Variants in RBFOX1 observed in about 807,000 individuals in gnomAD.
RBFOX1 encodes the protein RNA binding fox-1 homolog 1.
RBFOX1 carries 8 observed loss-of-function variants against 57.7 expected under a neutral mutation model. That is an observed-to-expected ratio of 0.14 (90% CI 0.08 to 0.25). RBFOX1 has a LOEUF of 0.25. Among genes scored for constraint, RBFOX1 ranks in the 10% least tolerant of loss-of-function variants. The probability of loss-of-function intolerance (pLI) is 1.00; values close to 1 mark genes in which losing one functional copy is unlikely to be tolerated. For missense variants in RBFOX1, 611 were observed against 548.5 expected, an observed-to-expected ratio of 1.11 and a Z score of -1.14; for synonymous variants, 326 against 222.4, an observed-to-expected ratio of 1.47 and a Z score of -4.15.
chr16:5,912,411 G>A (rs961628305), intron 4 of RBFOX1, among the ~76,000 whole-genome samples: 6 of 152,190 alleles, frequency 3.9e-5, no homozygotes, highest in Admixed American at 2.0e-4. Context: ...TCAGAGATTA[G>A]GAGTCTACCC....
intron 4 of RBFOX1, among the ~76,000 whole-genome samples, chr16:5,873,272 G>C (rs964255397): frequency 6.6e-6 from 1 of 152,208 alleles, no homozygotes; most frequent in African/African-American, 2.4e-5. Flanking sequence ...CAACATGGCT[G>C]TATCCTGCCC....
intron 2 of RBFOX1, among the ~76,000 whole-genome samples, chr16:6,336,770 A>C (rs759058882): frequency 6.6e-6 from 1 of 152,196 alleles, no homozygotes; most frequent in Non-Finnish European, 1.5e-5. Flanking sequence ...GGAAAGTACC[A>C]CTGTAAGGAA....
At chr16:5,804,478 T>C (rs763161199) in intron 3 of RBFOX1, among the ~76,000 whole-genome samples, 26 of 152,210 alleles carry the variant, frequency 1.7e-4, no homozygotes, top group Non-Finnish European at 1.9e-4. Context: ...AGGATGGCTT[T>C]GTAGGGAGTC....
intron 4 of RBFOX1, among the ~76,000 whole-genome samples, chr16:7,262,328 TTAA>T (rs914839550): frequency 1.3e-5 from 2 of 152,036 alleles, no homozygotes; most frequent in African/African-American, 4.8e-5. Context: ...TTTTTTCATA[TTAA>T]TGGGAAAACC....
intron 4 of RBFOX1, among the ~76,000 whole-genome samples, chr16:7,223,105 G>C (rs529556057): frequency 6.6e-6 from 1 of 152,332 alleles, no homozygotes; most frequent in South Asian, 2.1e-4. Flanking sequence ...TAGCAACTGA[G>C]GTGAATAAAG....
chr16:7,686,601 C>T (rs2076119750), intron 14 of RBFOX1, among the ~76,000 whole-genome samples: 1 of 152,058 alleles, frequency 6.6e-6, no homozygotes, highest in Non-Finnish European at 1.5e-5. Context: ...ATTTTTCTAC[C>T]AATAAAATGA....
intron 10 of RBFOX1, among the ~76,000 whole-genome samples, chr16:7,611,835 A>G (rs911469103): frequency 1.3e-5 from 2 of 152,156 alleles, no homozygotes; most frequent in Admixed American, 1.3e-4. Context: ...ATCAAGTCAT[A>G]CTTATAAAAA....
intron 4 of RBFOX1, among the ~76,000 whole-genome samples, chr16:5,875,645 A>G (rs2057588463): frequency 6.6e-6 from 1 of 152,186 alleles, no homozygotes; most frequent in Non-Finnish European, 1.5e-5. Flanking sequence ...AAATAGCAGA[A>G]GTATCAACTA....
At chr16:6,740,771 C>G (rs1004760272) in intron 3 of RBFOX1, among the ~76,000 whole-genome samples, 1 of 152,206 alleles carries the variant, frequency 6.6e-6, no homozygotes, top group South Asian at 2.1e-4. Context: ...AAAGACTCCA[C>G]TTTGTAAAGA....
chr16:6,554,873 C>G (rs1599693031), intron 2 of RBFOX1, among the ~76,000 whole-genome samples: 1 of 126,528 alleles, frequency 7.9e-6, no homozygotes, highest in African/African-American at 4.7e-5. Context: ...CTCTCTCTCA[C>G]TCATGAGTGC....
chr16:7,510,179 C>A, intron 4 of RBFOX1: 1 of 985,840 alleles, frequency 1.0e-6, no homozygotes, highest in Non-Finnish European at 1.2e-6. Flanking sequence ...CTCAACACCC[C>A]GATCATCCAC....
In RBFOX1 at chr16:6,122,796, G is replaced by GTGTGTC. The variant is rs1191307159; in HGVS notation, c.-127+102809_-127+102810insCTGTGT. Among the ~76,000 whole-genome samples the GTGTGTC allele has an allele frequency of 2.7e-5, 3 of 110,094 alleles. No homozygotes were observed. The Admixed American group carries it at 3.0e-4, about 11-fold the overall frequency. 72.2% of individuals were successfully genotyped at this position (110,094 alleles called of 152,430 possible). Reference sequence around the variant, plus strand: ...CGGAATATGATCTGTGTGGCTATGTGTGTGTATGTGTGTGTGTGTGTGTGT... The same window carrying GTGTGTC: ...CGGAATATGATCTGTGTGGCTATGTGTGTGTCTGTGTATGTGTGTGTGTGTGTGTGT... On this transcript the variant is annotated intron_variant, in intron 1 of 15. Transcript: ENST00000550418.
chr16:6,807,202 C>A (rs1171327073), intron 3 of RBFOX1, among the ~76,000 whole-genome samples: 1 of 151,854 alleles, frequency 6.6e-6, no homozygotes, highest in Admixed American at 6.6e-5. Context: ...ACAGGGAGAC[C>A]AGTTAGGAGT....
chr16:7,234,551 C>A (rs11077158), intron 4 of RBFOX1, among the ~76,000 whole-genome samples: 1 of 151,510 alleles, frequency 6.6e-6, no homozygotes, highest in Non-Finnish European at 1.5e-5. Context: ...AGCATTTAAC[C>A]ATGAAGTCTT....
intron 3 of RBFOX1, among the ~76,000 whole-genome samples, chr16:7,044,121 C>G (rs1260552156): frequency 2.0e-5 from 3 of 151,966 alleles, no homozygotes; most frequent in African/African-American, 7.3e-5. Flanking sequence ...ATTCCTGGCA[C>G]TTAGGACAGT....
At position 7,456,957 on chromosome 16, in the gene RBFOX1, C is replaced by G. The variant is rs151170021; in HGVS notation, c.28-61190C>G. Among the ~76,000 whole-genome samples the G allele has an allele frequency of 9.3e-3, 1,419 of 151,954 alleles. 23 individuals carry two copies. Among genetic ancestry groups the G allele is most frequent in the African/African-American group, 0.033 (1,371 of 41,420 alleles). On this transcript the variant is annotated intron_variant, in intron 4 of 15. Coordinates refer to ENST00000550418, the MANE Select transcript of RBFOX1 (RefSeq NM_018723.4). ...CCCAGGCTGAGTGCAATGGCGCGAT[C>G]CCGGCTCACTGCAACCTCTGCCTCC...
chr16:5,944,933 T>G (rs1467607809), intron 4 of RBFOX1, among the ~76,000 whole-genome samples: 1 of 119,890 alleles, frequency 8.3e-6, no homozygotes, highest in Non-Finnish European at 1.6e-5. Context: ...GCCACTGCAC[T>G]CCAGCCTGGA....
chr16:7,630,463 T>C, intron 10 of RBFOX1, 140 bp from the exon 11 acceptor site: 1 of 1,509,252 alleles, frequency 6.6e-7, no homozygotes, highest in Non-Finnish European at 8.8e-7. Context: ...GGCAGGGGGC[T>C]TTGTTGGGTA....
rs140520499 is a variant in RBFOX1, at chr16:6,687,869, C to G, written c.-16+33219C>G. ...CTGGGAAATGTGTGCTCAGGAAGCA[C>G]AAAATGAATGATGACACAGTGAATG... On this transcript the variant is annotated intron_variant, in intron 3 of 15. Coordinates refer to ENST00000550418, the MANE Select transcript of RBFOX1 (RefSeq NM_018723.4). 3.9e-5 allele frequency among the ~76,000 whole-genome samples: 6 copies of G among 152,218 alleles called. No individual in the cohort carries two copies. In the East Asian group the frequency reaches 1.2e-3, roughly 29 times the overall value.
Sources: gnomAD v4.1 joint callset for allele counts (sites outside exome capture counted in the v4.1 genomes callset) on GRCh38, gnomAD v4.1.1 for gene constraint, MANE v1.5 for transcripts, NCBI Gene and HGNC (gene_info 2026-07-23, HGNC 2026-07-21) for gene names.